ACACA: variants seen among roughly 807,000 people sequenced by gnomAD.
ACACA encodes the protein acetyl-CoA carboxylase 1.
A neutral mutation model predicts 296.1 loss-of-function variants in ACACA; 103 were observed. That is an observed-to-expected ratio of 0.35 (90% CI 0.30 to 0.41). The LOEUF (loss-of-function observed/expected upper bound fraction) is 0.41, where lower values mean the gene tolerates loss of function less well. Ranked by LOEUF, ACACA falls within the 10% of genes least tolerant of loss-of-function variation. ACACA has a pLI of 1.00. For missense variants in ACACA, 1,554 were observed against 2,989.7 expected, an observed-to-expected ratio of 0.52 and a Z score of 11.20; for synonymous variants, 953 against 1,038.6, an observed-to-expected ratio of 0.92 and a Z score of 1.58.
chr17:37,317,396 T>C (rs953335690), intron 3 of ACACA, among the ~76,000 whole-genome samples: 1 of 152,106 alleles, frequency 6.6e-6, no homozygotes, highest in African/African-American at 2.4e-5. Context: ...CGAAACCCCG[T>C]CTCTACTAAA....
At chr17:37,142,536 A>G (rs955962949) in intron 45 of ACACA, among the ~76,000 whole-genome samples, 1 of 152,246 alleles carries the variant, frequency 6.6e-6, no homozygotes, top group Non-Finnish European at 1.5e-5. Flanking sequence ...GATTACTCAG[A>G]AAGGAAGCTA....
intron 35 of ACACA, among the ~76,000 whole-genome samples, chr17:37,194,178 T>A (rs947793115): frequency 6.6e-6 from 1 of 152,108 alleles, no homozygotes; most frequent in Admixed American, 6.6e-5. Context: ...CTACTGGCAG[T>A]GCTGGAATCA....
chr17:37,250,707 C>A, intron 16 of ACACA, among the ~76,000 whole-genome samples: 1 of 152,082 alleles, frequency 6.6e-6, no homozygotes, highest in Non-Finnish European at 1.5e-5. Flanking sequence ...CTCCTAGCAA[C>A]TGAAACTTTA....
intron 36 of ACACA, among the ~76,000 whole-genome samples, chr17:37,193,160 G>A (rs925008281): frequency 6.6e-6 from 1 of 152,078 alleles, no homozygotes; most frequent in African/African-American, 2.4e-5. Context: ...TATCACCTTC[G>A]TTGAGTAGCT....
At chr17:37,383,680 TG>T (rs2050401237) in intron 1 of ACACA, among the ~76,000 whole-genome samples, 2 of 152,200 alleles carry the variant, frequency 1.3e-5, no homozygotes, top group South Asian at 4.1e-4. Flanking sequence ...CTCGAGTAGC[TG>T]GGATTACAGC....
rs563200477 is a variant in ACACA, at chr17:37,153,042, G to A, written c.5448-1621C>T. Among the ~76,000 whole-genome samples, 3 of 152,222 alleles carry A rather than the reference G, an allele frequency of 2.0e-5. No homozygotes were observed. The South Asian group carries it at 6.2e-4, about 32-fold the overall frequency. The stretch of plus-strand genomic sequence containing the variant: ...TATCTAGACTCTATCCTAAAGTTAT[G>A]TCAGAAATGAGGCTACTGTCCCTTA... On this transcript the variant is annotated intron_variant, in intron 43 of 55. Transcript: ENST00000616317.
intron 1 of ACACA, among the ~76,000 whole-genome samples, chr17:37,360,971 G>A (rs565626331): frequency 9.2e-5 from 14 of 152,044 alleles, no homozygotes; most frequent in African/African-American, 3.1e-4. Context: ...AAAACCATGC[G>A]GTTGCCTCTT....
chr17:37,331,921 T>C (rs985440883), intron 2 of ACACA, among the ~76,000 whole-genome samples: 3 of 152,078 alleles, frequency 2.0e-5, no homozygotes, highest in African/African-American at 7.2e-5. Flanking sequence ...AAACTTTACT[T>C]GTCCTCATGA....
rs2072170884 is a variant in ACACA at position 37,085,976 on chromosome 17, G to GT, written c.*1339dup. Reference sequence around the variant, plus strand: ...TCTTGCTTTAGGAACAGAGGAATCAGTAAGTTCTTTTCTTGAATAAACTAG... The same window carrying GT: ...TCTTGCTTTAGGAACAGAGGAATCAGTTAAGTTCTTTTCTTGAATAAACTAG... On this transcript the variant is annotated 3_prime_UTR_variant, in exon 56 of 56. Coordinates refer to ENST00000616317, the MANE Select transcript of ACACA (RefSeq NM_198834.3). 1 of 396,498 alleles carries GT rather than the reference G, an allele frequency of 2.5e-6. No individual in the cohort carries two copies. Among genetic ancestry groups the GT allele is most frequent in the African/African-American group, 2.1e-5 (1 of 48,580 alleles). The allele number at this position is 396,498 out of a possible 1,614,324, so 24.6% of individuals were successfully genotyped here. A position where few individuals can be genotyped will look rare whatever the true frequency, so the allele number is the denominator to read the frequency against.
chr17:37,292,818 C>T lies in ACACA; in HGVS notation c.339-7848G>A, dbSNP rs565495833. ...GGCAGAGGTTGCAGTGAGCTGAGAG[C>T]GCACCACTGCACTCCAGCCTAGGCA... On this transcript the variant is annotated intron_variant, in intron 3 of 55. Coordinates refer to ENST00000616317, the MANE Select transcript of ACACA (RefSeq NM_198834.3). Among the ~76,000 whole-genome samples the T allele has an allele frequency of 2.3e-4, 35 of 152,246 alleles. 2 individuals are homozygous for T. In the South Asian group the frequency reaches 5.0e-3, roughly 22 times the overall value.
intron 1 of ACACA, among the ~76,000 whole-genome samples, chr17:37,364,014 C>T (rs867996454): frequency 6.6e-6 from 1 of 152,100 alleles, no homozygotes; most frequent in African/African-American, 2.4e-5. Context: ...ATCCCAGCTA[C>T]TCAGGAGGTG....
intron 29 of ACACA, among the ~76,000 whole-genome samples, chr17:37,217,507 G>A (rs4795181): frequency 0.34 from 50,822 of 151,352 alleles, 10,801 homozygotes; most frequent in African/African-American, 0.59. Flanking sequence ...AGGCCGAGGT[G>A]GATGGATCAC....
chr17:37,271,973 A>G (rs530115062), intron 9 of ACACA, among the ~76,000 whole-genome samples: 6 of 152,330 alleles, frequency 3.9e-5, no homozygotes, highest in Middle Eastern at 3.4e-3. Context: ...CCCTGTTTCA[A>G]TAAAATAACC....
At position 37,243,460 on chromosome 17, in the gene ACACA, G is replaced by A. The variant is rs761517830; in HGVS notation, c.2842C>T (p.Pro948Ser). ...DIMTSVSGRI[P>S]PNVEKSIKKE... ...TTGATAGACTTCTCCACATTGGGGGGAATGCGGCCAGACACACTGGTCATA... is the reference window on the plus strand; with the variant it reads ...TTGATAGACTTCTCCACATTGGGGGAAATGCGGCCAGACACACTGGTCATA... The change falls in exon 22 of 56, where the codon CCC (proline) becomes TCC (serine). Residue 948 changes from proline to serine, a missense_variant. Coordinates refer to ENST00000616317, the MANE Select transcript of ACACA (RefSeq NM_198834.3). The A allele has an allele frequency of 1.2e-6, 2 of 1,614,118 alleles. No homozygotes were observed. Among genetic ancestry groups the A allele is most frequent in the Non-Finnish European group, 1.7e-6 (2 of 1,180,002 alleles).
At chr17:37,299,409 T>C (rs1293415598) in intron 3 of ACACA, 7 of 1,610,120 alleles carry the variant, frequency 4.3e-6, no homozygotes, top group Non-Finnish European at 5.9e-6. Flanking sequence ...CCTCCTCCTG[T>C]TGCAGCTGCT....
intron 24 of ACACA, among the ~76,000 whole-genome samples, chr17:37,237,620 T>C (rs2080175267): frequency 6.6e-6 from 1 of 152,244 alleles, no homozygotes; most frequent in South Asian, 2.1e-4. Context: ...TCTTCTTCTG[T>C]AAAATATCTT....
chr17:37,388,850 T>C, intron 1 of ACACA: 1 of 1,590,522 alleles, frequency 6.3e-7, no homozygotes, highest in Non-Finnish European at 8.6e-7. Flanking sequence ...CTTTCTTCTG[T>C]TCCAGAGGCA....
chr17:37,389,558 A>C (rs1649816343), intron 1 of ACACA, among the ~76,000 whole-genome samples: 1 of 151,928 alleles, frequency 6.6e-6, no homozygotes, highest in African/African-American at 2.4e-5. Context: ...CAGGTGGCAC[A>C]TGCCTGTACT....
intron 43 of ACACA, 99 bp downstream of exon 43, chr17:37,155,584 T>A (rs1178453802): frequency 3.6e-6 from 3 of 838,176 alleles, no homozygotes; most frequent in Admixed American, 1.7e-5. Context: ...TCATCTTCAA[T>A]GTTCTTCAAG....
Sources: gnomAD v4.1 joint callset for allele counts (sites outside exome capture counted in the v4.1 genomes callset) on GRCh38, gnomAD v4.1.1 for gene constraint, MANE v1.5 for transcripts, NCBI Gene and HGNC (gene_info 2026-07-23, HGNC 2026-07-21) for gene names.